The following DGKH variants were observed in gnomAD, a reference collection of about 807,000 sequenced individuals.
DGKH encodes the protein DAG kinase eta.
Under a neutral mutation model 159.3 loss-of-function variants are expected in DGKH, and 90 were observed. The observed-to-expected ratio is 0.57, with a 90% CI of 0.48 to 0.67. The LOEUF is 0.67. Among genes scored for constraint, DGKH ranks in the 30% least tolerant of loss-of-function variants. DGKH has a pLI of 0.00. For synonymous variants in DGKH, 536 were observed against 553.8 expected (o/e 0.97, Z 0.45); for missense variants, 1,181 against 1,506.1 (o/e 0.78, Z 3.57).
intron 1 of DGKH, among the ~76,000 whole-genome samples, chr13:42,109,885 A>T: frequency 6.6e-6 from 1 of 152,198 alleles, no homozygotes; most frequent in East Asian, 1.9e-4. Flanking sequence ...TAGGGGTATC[A>T]GTCTGGTCCA....
At chr13:42,199,044 A>G (rs1957281188) in intron 18 of DGKH, among the ~76,000 whole-genome samples, 1 of 152,006 alleles carries the variant, frequency 6.6e-6, no homozygotes, top group Non-Finnish European at 1.5e-5. Flanking sequence ...TCCTTTTTAA[A>G]TTTTGCTTTT....
At chr13:42,116,858 G>T (rs569944372) in intron 1 of DGKH, among the ~76,000 whole-genome samples, 2 of 152,236 alleles carry the variant, frequency 1.3e-5, no homozygotes, top group East Asian at 3.8e-4. Context: ...ACTAAAAACA[G>T]TTACAGAAAG....
intron 1 of DGKH, among the ~76,000 whole-genome samples, chr13:42,109,749 C>T (rs1427134528): frequency 1.3e-5 from 2 of 152,020 alleles, no homozygotes; most frequent in African/African-American, 4.8e-5. Context: ...TTTCTTGGTT[C>T]CATGCTAACC....
chr13:42,153,972 C>T (rs1337543783), intron 3 of DGKH: 1 of 152,186 alleles, frequency 6.6e-6, no homozygotes, highest in Non-Finnish European at 1.5e-5. Flanking sequence ...ATTCTGTAGC[C>T]TAAACCCATG....
intron 1 of DGKH, among the ~76,000 whole-genome samples, chr13:42,071,668 G>A (rs963499521): frequency 1.3e-5 from 2 of 152,204 alleles, no homozygotes; most frequent in Non-Finnish European, 2.9e-5. Context: ...TTAATGAACA[G>A]GTGGCTCCAG....
rs1958243056 is a variant in DGKH at position 42,229,845 on chromosome 13, G to A, written c.*657G>A. 1 of 152,294 alleles carries A rather than the reference G, an allele frequency of 6.6e-6. No individual in the cohort carries two copies. Among genetic ancestry groups the A allele is most frequent in the African/African-American group, 2.4e-5 (1 of 41,432 alleles). 9.4% of individuals were successfully genotyped at this position (152,294 alleles called of 1,614,324 possible). A position where few individuals can be genotyped will look rare whatever the true frequency, so the allele number is the denominator to read the frequency against. On this transcript the variant is annotated 3_prime_UTR_variant, in exon 30 of 30. Transcript: ENST00000337343. ...CTTTCATGTCAGTTTTAATGTTAAT[G>A]GGATTTAATTTATTACTAAAGTACA...
Position 42,168,798 on chromosome 13 carries a change from C to G in DGKH, c.1347C>G (p.Ala449=), listed in dbSNP as rs200505221. 3.1e-6 allele frequency: 5 copies of G among 1,613,662 alleles called. No individual in the cohort carries two copies. The African/African-American group carries it at 6.7e-5, about 22-fold the overall frequency. The change falls in exon 11 of 30, where the codon GCC becomes GCG. Residue 449 remains alanine (A), a synonymous_variant. Transcript: ENST00000337343. Reference sequence around the variant, plus strand: ...AGATCCTAGAGAAACTGGAACGAGCCAGTACCAAAATGTTGGACAGGTAAA... The same window carrying G: ...AGATCCTAGAGAAACTGGAACGAGCGAGTACCAAAATGTTGGACAGGTAAA... The part of the protein sequence containing the change: ...LPQILEKLER[A]STKMLDRWSI...
Position 42,241,623 on chromosome 13 carries a change from A to G in DGKH, c.*12435A>G, listed in dbSNP as rs999764247. The G allele has an allele frequency of 6.6e-6, 1 of 152,186 alleles. No individual in the cohort carries two copies. Among genetic ancestry groups the G allele is most frequent in the Non-Finnish European group, 1.5e-5 (1 of 68,022 alleles). 9.4% of individuals were successfully genotyped at this position (152,186 alleles called of 1,614,324 possible). On this transcript the variant is annotated 3_prime_UTR_variant, in exon 30 of 30. Transcript: ENST00000337343. ...TGACACACACACCAAAATATATAAG[A>G]GCTGTGCATGGTAAACCCACAGTAG...
chr13:42,076,386 C>G lies in DGKH; in HGVS notation c.192+27421C>G, dbSNP rs141285268. Among the ~76,000 whole-genome samples, 8 of 152,246 alleles carry G rather than the reference C, an allele frequency of 5.3e-5. 1 individual carries two copies. Among genetic ancestry groups the G allele is most frequent in the Middle Eastern group, 6.8e-3 (2 of 294 alleles). ...AAAGTAGTGATTCATTTTCTATTAC[C>G]TGTCATATTCTTGTCACGCAAACTT... On this transcript the variant is annotated intron_variant, in intron 1 of 29. Transcript: ENST00000337343.
At chr13:42,048,606 G>C, upstream of DGKH, 3 of 855,240 alleles carry the variant, frequency 3.5e-6, no homozygotes, top group Admixed American at 1.4e-4. This position sits in a 1 kb window ranked among gnomAD's most constrained non-coding sequence, Gnocchi z 6.7. Flanking sequence ...CCTGCCTGGA[G>C]GGCGCCTGCC....
rs764551569 is a variant in DGKH, at chr13:42,229,185, G to A, written c.3660G>A (p.Val1220=). The change falls in exon 30 of 30, where the codon GTG becomes GTA. Residue 1220 remains valine (V), a synonymous_variant. Coordinates refer to ENST00000337343, the MANE Select transcript of DGKH (RefSeq NM_178009.5). ...ELGRSTPQSE[V] is the part of the protein sequence containing the mutation. ...GAAGGAGCACTCCACAGTCGGAGGT[G>A]TAATCATATTGGTGCTATTTCTTGG... 44 of 1,607,984 alleles carry A rather than the reference G, an allele frequency of 2.7e-5. No individual in the cohort carries two copies. The South Asian group carries it at 3.9e-4, about 14-fold the overall frequency.
At position 42,210,616 on chromosome 13, in the gene DGKH, T is replaced by C; in HGVS notation, c.2865T>C (p.Thr955=). Residue 955 remains threonine (T), a synonymous_variant, in exon 24 of 30, where the codon ACT becomes ACC. Transcript: ENST00000337343. ...ACTTTAAATAGGCCTTTGAGAGCAC[T>C]CTGAAATCTTGGGAAGATAAGCAGA... is the stretch of plus-strand genomic sequence containing the variant. ...MLTRDRAFES[T]LKSWEDKQKC... The C allele has an allele frequency of 6.2e-7, 1 of 1,611,988 alleles. No homozygotes were observed. Among genetic ancestry groups the C allele is most frequent in the Non-Finnish European group, 8.5e-7 (1 of 1,179,888 alleles).
chr13:42,128,278 C>T (rs1305304960), intron 2 of DGKH, among the ~76,000 whole-genome samples: 1 of 152,172 alleles, frequency 6.6e-6, no homozygotes, highest in African/African-American at 2.4e-5. Context: ...TTTCTGGCTA[C>T]TGTGCCAGTT....
At chr13:42,093,379 A>G (rs1954460417) in intron 1 of DGKH, among the ~76,000 whole-genome samples, 2 of 152,174 alleles carry the variant, frequency 1.3e-5, no homozygotes, top group Non-Finnish European at 1.5e-5. Context: ...AATGTTGGCA[A>G]GAATGTAGAG....
intron 1 of DGKH, chr13:42,066,821 G>GTTA (rs1219421971): frequency 1.3e-5 from 2 of 152,262 alleles, no homozygotes; most frequent in East Asian, 3.9e-4. Flanking sequence ...AAAGTAAAAT[G>GTTA]TTATGATGTG....
At chr13:42,202,216 T>C (rs975979316) in intron 20 of DGKH, among the ~76,000 whole-genome samples, 7 of 152,188 alleles carry the variant, frequency 4.6e-5, no homozygotes, top group Admixed American at 1.3e-4. Context: ...TTGCCATCAT[T>C]AACAAAAAAT....
chr13:42,142,374 T>C (rs1325247899), intron 3 of DGKH, among the ~76,000 whole-genome samples: 1 of 151,744 alleles, frequency 6.6e-6, no homozygotes, highest in Non-Finnish European at 1.5e-5. Flanking sequence ...GACTTGGCAA[T>C]GCGGGCTCTT....
At chr13:42,192,892 G>T (rs114875292) in intron 16 of DGKH, among the ~76,000 whole-genome samples, 1 of 152,024 alleles carries the variant, frequency 6.6e-6, no homozygotes, top group African/African-American at 2.4e-5. Context: ...TATTTTCTGT[G>T]GTGTATTAGC....
chr13:42,155,018 A>T (rs946586092), intron 3 of DGKH, among the ~76,000 whole-genome samples: 1 of 152,204 alleles, frequency 6.6e-6, no homozygotes, highest in Non-Finnish European at 1.5e-5. Context: ...AGTTTGTAAG[A>T]TGTATTTCGT....
Sources: allele counts gnomAD v4.1 joint callset (sites outside exome capture counted in the v4.1 genomes callset), GRCh38; gene constraint gnomAD v4.1.1; non-coding constraint Gnocchi (gnomAD v3.1); transcripts MANE v1.5; gene names NCBI Gene and HGNC (gene_info 2026-07-23, HGNC 2026-07-21).